The following RB1 variants were observed in gnomAD, a reference collection of about 807,000 sequenced individuals.
RB1 encodes retinoblastoma-associated protein.
A neutral mutation model predicts 135.4 loss-of-function variants in RB1; 18 were observed. That is an observed-to-expected ratio of 0.13 (90% CI 0.09 to 0.20). The LOEUF (loss-of-function observed/expected upper bound fraction) is 0.20, where lower values mean the gene tolerates loss of function less well. RB1 is among the 10% of genes least tolerant of loss of function. The probability of loss-of-function intolerance (pLI) is 1.00; values close to 1 mark genes in which losing one functional copy is unlikely to be tolerated. For synonymous variants in RB1, 365 were observed against 373.2 expected, an observed-to-expected ratio of 0.98 and a Z score of 0.25; for missense variants, 868 against 1,110.0, an observed-to-expected ratio of 0.78 and a Z score of 3.10.
intron 1 of RB1, among the ~76,000 whole-genome samples, chr13:48,305,883 T>C (rs1340094199): frequency 3.3e-5 from 5 of 152,260 alleles, no homozygotes; most frequent in Non-Finnish European, 7.3e-5. Flanking sequence ...ATCTTATTTC[T>C]GTTGCCTTAT....
chr13:48,307,173 T>C (rs571536910), intron 1 of RB1, 107 bp from the exon 2 acceptor site: 2 of 821,764 alleles, frequency 2.4e-6, no homozygotes, highest in African/African-American at 3.5e-5. Context: ...TATTTAATAA[T>C]GTTCTTTTTC....
chr13:48,383,867 C>T (rs923318394), intron 17 of RB1, among the ~76,000 whole-genome samples: 1 of 152,006 alleles, frequency 6.6e-6, no homozygotes, highest in Non-Finnish European at 1.5e-5. Flanking sequence ...TGAGATATTC[C>T]TGTATCATCT....
intron 2 of RB1, among the ~76,000 whole-genome samples, chr13:48,341,641 A>G (rs1952443838): frequency 6.6e-6 from 1 of 152,006 alleles, no homozygotes; most frequent in African/African-American, 2.4e-5. Context: ...GTTGTAAAAT[A>G]TTTACATCCC....
rs1952510767 is a variant in RB1 at position 48,347,749 on chromosome 13, A to C, written c.501-76A>C. ...AATATATACTTCTTAAAAGAAGATA[A>C]ATAAAGCATGAGAAAACTACTATGA... On this transcript the variant is annotated intron_variant, in intron 4 of 26. Coordinates refer to ENST00000267163, the MANE Select transcript of RB1 (RefSeq NM_000321.3). 9.3e-6 allele frequency: 9 copies of C among 966,734 alleles called. No individual in the cohort carries two copies. The South Asian group carries it at 1.3e-4, about 14-fold the overall frequency. 59.9% of individuals were successfully genotyped at this position (966,734 alleles called of 1,614,324 possible). A position where few individuals can be genotyped will look rare whatever the true frequency, so the allele number is the denominator to read the frequency against.
Position 48,351,085 on chromosome 13 carries a change from G to A in RB1, c.607+2062G>A, listed in dbSNP as rs149839472. Among the ~76,000 whole-genome samples, 21 of 152,242 alleles carry A rather than the reference G, an allele frequency of 1.4e-4. No individual in the cohort carries two copies. The East Asian group carries it at 3.9e-3, about 28-fold the overall frequency. ...ATGGTAGAATGATTTCTATTCCTTT[G>A]AGTATGTACTCAGTAATGGGATTGC... On this transcript the variant is annotated intron_variant, in intron 6 of 26. Coordinates refer to ENST00000267163, the MANE Select transcript of RB1 (RefSeq NM_000321.3).
At chr13:48,415,306 T>TA (rs1948889834) in intron 17 of RB1, among the ~76,000 whole-genome samples, 41 of 151,912 alleles carry the variant, frequency 2.7e-4, no homozygotes, top group Admixed American at 2.6e-3. Flanking sequence ...TCTTTTTTTT[T>TA]TCTCACTCTG....
rs1748518882 is a variant in RB1, at chr13:48,379,577, T to C, written c.1333-17T>C. 1 of 1,609,952 alleles carries C rather than the reference T, an allele frequency of 6.2e-7. No homozygotes were observed. The highest frequency in any genetic ancestry group is 1.3e-5 in the African/African-American group (1 of 74,620). ...CTAAAATAGCAGGCTCTTATTTTTC[T>C]TTTTGTTTGTTTGTAGCGATACAAA... On this transcript the variant is annotated splice_polypyrimidine_tract_variant and intron_variant, in intron 13 of 26. Coordinates refer to ENST00000267163, the MANE Select transcript of RB1 (RefSeq NM_000321.3).
chr13:48,367,054 G>C (rs889597198), intron 9 of RB1, among the ~76,000 whole-genome samples: 1 of 150,728 alleles, frequency 6.6e-6, no homozygotes, highest in African/African-American at 2.4e-5. Context: ...CGGGGGCAGA[G>C]GTGGCAGTGA....
chr13:48,346,821 G>T (rs1405156097), intron 4 of RB1, among the ~76,000 whole-genome samples: 1 of 151,896 alleles, frequency 6.6e-6, no homozygotes. Context: ...GTTAACCCAA[G>T]TTTTATATGA....
At chr13:48,414,993 AT>A (rs34952137) in intron 17 of RB1, among the ~76,000 whole-genome samples, 31,728 of 149,974 alleles carry the variant, frequency 0.21, 3,483 homozygotes, top group South Asian at 0.26. Context: ...TCTTACTGTT[AT>A]TTTTTTTTTA....
At chr13:48,327,814 T>G (rs1224382761) in intron 2 of RB1, among the ~76,000 whole-genome samples, 1 of 152,098 alleles carries the variant, frequency 6.6e-6, no homozygotes, top group East Asian at 1.9e-4. Context: ...CTTAAAAAGG[T>G]ACCATTTCTG....
intron 17 of RB1, among the ~76,000 whole-genome samples, chr13:48,392,409 C>A (rs563624184): frequency 5.9e-5 from 9 of 152,228 alleles, no homozygotes; most frequent in African/African-American, 2.2e-4. Context: ...CCACGCCTGG[C>A]CTTGTTCTTT....
intron 9 of RB1, among the ~76,000 whole-genome samples, chr13:48,366,939 C>T (rs890980138): frequency 1.3e-5 from 2 of 151,672 alleles, no homozygotes; most frequent in African/African-American, 4.8e-5. Context: ...GCCAACATGG[C>T]GAAACCCCGT....
intron 17 of RB1, among the ~76,000 whole-genome samples, chr13:48,438,773 G>C (rs1295357041): frequency 6.6e-6 from 1 of 152,050 alleles, no homozygotes; most frequent in Non-Finnish European, 1.5e-5. Flanking sequence ...AAGTAATGTG[G>C]TTGGTGCTAT....
Position 48,382,811 on chromosome 13 carries a change from G to A in RB1, c.1695+1368G>A, listed in dbSNP as rs1436759375. Among the ~76,000 whole-genome samples the A allele has an allele frequency of 4.6e-5, 7 of 152,068 alleles. No individual in the cohort carries two copies. In the South Asian group the frequency reaches 1.2e-3, roughly 27 times the overall value. On this transcript the variant is annotated intron_variant, in intron 17 of 26. Coordinates refer to ENST00000267163, the MANE Select transcript of RB1 (RefSeq NM_000321.3). The stretch of plus-strand genomic sequence containing the variant: ...TGGTATTGCCTAGGTTTTCTTCTAG[G>A]GTTTTTATGGTTTTAGGTCTAACAT...
Position 48,343,136 on chromosome 13 carries a change from G to A in RB1, c.380+422G>A, listed in dbSNP as rs137970297. On this transcript the variant is annotated intron_variant, in intron 3 of 26. Coordinates refer to ENST00000267163, the MANE Select transcript of RB1 (RefSeq NM_000321.3). Reference sequence around the variant, plus strand: ...TAACTAGAGGATATTATAACTAAATGCTTTTTTTCAGATTATATATTGATT... The same window carrying A: ...TAACTAGAGGATATTATAACTAAATACTTTTTTTCAGATTATATATTGATT... Among the ~76,000 whole-genome samples, 837 of 152,164 alleles carry A rather than the reference G, an allele frequency of 5.5e-3. 14 individuals are homozygous for A. Among genetic ancestry groups the A allele is most frequent in the African/African-American group, 0.019 (796 of 41,538 alleles).
intron 7 of RB1, among the ~76,000 whole-genome samples, chr13:48,361,072 G>A (rs1348048688): frequency 2.6e-5 from 4 of 152,020 alleles, no homozygotes; most frequent in Non-Finnish European, 4.4e-5. Context: ...GAAACCACAT[G>A]CAAAGAAAGA....
At chr13:48,412,014 C>G (rs1235130795) in intron 17 of RB1, 1 of 1,612,186 alleles carries the variant, frequency 6.2e-7, no homozygotes, top group South Asian at 1.1e-5. Context: ...CACGCCAGTG[C>G]AAACAATCTT....
intron 17 of RB1, among the ~76,000 whole-genome samples, chr13:48,443,201 GACTT>G (rs963166499): frequency 1.3e-5 from 2 of 151,158 alleles, no homozygotes; most frequent in African/African-American, 4.8e-5. Context: ...TGTTTTGAAA[GACTT>G]AAAAAAAATG....
Sources: allele counts gnomAD v4.1 joint callset (sites outside exome capture counted in the v4.1 genomes callset), GRCh38; gene constraint gnomAD v4.1.1; transcripts MANE v1.5; gene names NCBI Gene and HGNC (gene_info 2026-07-23, HGNC 2026-07-21).